Variants in COL22A1 observed in about 807,000 individuals in gnomAD.
The protein encoded by COL22A1 is collagen alpha-1(XXII) chain.
COL22A1 carries 221 observed loss-of-function variants against 248.9 expected under a neutral mutation model. The ratio of observed to expected loss-of-function variants is 0.89; its 90% CI spans 0.80 to 0.99. COL22A1 has a LOEUF of 0.99. COL22A1 is among the 50% of genes least tolerant of loss of function. The probability of loss-of-function intolerance (pLI) is 0.00; values close to 1 mark genes in which losing one functional copy is unlikely to be tolerated. For synonymous variants in COL22A1, 891 were observed against 793.4 expected, an observed-to-expected ratio of 1.12 and a Z score of -2.07; for missense variants, 2,240 against 2,179.0, an observed-to-expected ratio of 1.03 and a Z score of -0.56.
At chr8:138,709,805 A>T (rs1375242581) in intron 30 of COL22A1, among the ~76,000 whole-genome samples, 2 of 152,170 alleles carry the variant, frequency 1.3e-5, no homozygotes, top group Non-Finnish European at 2.9e-5. Context: ...TAATAAAGTT[A>T]TTTCTTATCC....
intron 14 of COL22A1, 80 bp from the exon 15 acceptor site, chr8:138,778,486 A>G (rs1258558701): frequency 5.4e-6 from 7 of 1,297,160 alleles, no homozygotes; most frequent in Non-Finnish European, 7.4e-6. Context: ...AGCCAGTCCC[A>G]CGTTTGGTGA....
intron 40 of COL22A1, among the ~76,000 whole-genome samples, chr8:138,678,324 T>A (rs1825721397): frequency 1.3e-5 from 2 of 152,148 alleles, no homozygotes; most frequent in South Asian, 4.2e-4. Flanking sequence ...CTTGACATCA[T>A]TTCTTCCCCT....
At chr8:138,908,043 C>T (rs763350695) in intron 1 of COL22A1, among the ~76,000 whole-genome samples, 1 of 152,188 alleles carries the variant, frequency 6.6e-6, no homozygotes, top group African/African-American at 2.4e-5. Flanking sequence ...TCCCTCCCTC[C>T]CCACTCCCCC....
At chr8:138,696,814 C>G (rs537493199) in intron 32 of COL22A1, among the ~76,000 whole-genome samples, 2 of 152,338 alleles carry the variant, frequency 1.3e-5, no homozygotes, top group East Asian at 3.9e-4. Context: ...CCATTGAGCT[C>G]AGAAGGAGAC....
intron 12 of COL22A1, among the ~76,000 whole-genome samples, chr8:138,792,302 C>A (rs1816130810): frequency 6.6e-6 from 1 of 152,172 alleles, no homozygotes; most frequent in African/African-American, 2.4e-5. Flanking sequence ...ACTCTACCTG[C>A]AATATTAATA....
chr8:138,877,514 T>G (rs1054711731), intron 3 of COL22A1, among the ~76,000 whole-genome samples: 2 of 152,134 alleles, frequency 1.3e-5, no homozygotes, highest in Non-Finnish European at 2.9e-5. Context: ...GACCTCTGCC[T>G]CTGGATGGGA....
chr8:138,839,046 T>C (rs1820662376), intron 4 of COL22A1, among the ~76,000 whole-genome samples: 1 of 152,194 alleles, frequency 6.6e-6, no homozygotes, highest in African/African-American at 2.4e-5. Context: ...CTTATGTTTA[T>C]GGGGCTGCCT....
At chr8:138,805,790 GTGA>G (rs936930195) in intron 10 of COL22A1, among the ~76,000 whole-genome samples, 8 of 129,902 alleles carry the variant, frequency 6.2e-5, no homozygotes, top group African/African-American at 9.4e-5. Flanking sequence ...GTGATGGTGC[GTGA>G]TGGTGTGTGT....
chr8:138,809,180 A>G (rs963668690), intron 9 of COL22A1, among the ~76,000 whole-genome samples: 36 of 152,110 alleles, frequency 2.4e-4, no homozygotes, highest in African/African-American at 8.4e-4. Flanking sequence ...GGGAAGCAGC[A>G]GGCTCCCTTC....
chr8:138,748,399 G>A (rs1390633319), intron 22 of COL22A1, among the ~76,000 whole-genome samples: 1 of 152,218 alleles, frequency 6.6e-6, no homozygotes, highest in African/African-American at 2.4e-5. Context: ...GTCAACATGA[G>A]CTTTCTGACA....
At chr8:138,727,775 C>T (rs1240835794) in intron 23 of COL22A1, among the ~76,000 whole-genome samples, 2 of 152,200 alleles carry the variant, frequency 1.3e-5, no homozygotes, top group African/African-American at 4.8e-5. Flanking sequence ...CATTTGTTCA[C>T]AGCTGGAGCA....
At chr8:138,804,146 C>T (rs1817251209) in intron 10 of COL22A1, among the ~76,000 whole-genome samples, 1 of 152,168 alleles carries the variant, frequency 6.6e-6, no homozygotes, top group African/African-American at 2.4e-5. Flanking sequence ...CAGTCAGTCA[C>T]TTTTATATTC....
chr8:138,747,294 C>A (rs1221495180), intron 22 of COL22A1, among the ~76,000 whole-genome samples: 1 of 152,202 alleles, frequency 6.6e-6, no homozygotes, highest in Non-Finnish European at 1.5e-5. Context: ...TTTTACTGTC[C>A]TTTCTACTTT....
At chr8:138,693,529 C>T in intron 35 of COL22A1, 117 bp downstream of exon 35, 1 of 1,082,314 alleles carries the variant, frequency 9.2e-7, no homozygotes. Flanking sequence ...GTGGGTGAAC[C>T]TTCTGGGCCA....
At chr8:138,598,686 G>A (rs765571678) in intron 61 of COL22A1, 33 bp downstream of exon 61, 18 of 1,588,062 alleles carry the variant, frequency 1.1e-5, no homozygotes, top group Non-Finnish European at 1.4e-5. Context: ...GCCCCGAGGA[G>A]CCCCGAGTCC....
intron 3 of COL22A1, among the ~76,000 whole-genome samples, chr8:138,863,338 G>T (rs1822629001): frequency 6.6e-6 from 1 of 152,138 alleles, no homozygotes; most frequent in Admixed American, 6.5e-5. Flanking sequence ...CTGTTGCTCG[G>T]TCAGAGTTCC....
In COL22A1 at chr8:138,633,223, C is replaced by G. The variant is rs142065923; in HGVS notation, c.3609+1787G>C. Among the ~76,000 whole-genome samples the G allele has an allele frequency of 4.9e-3, 754 of 152,350 alleles. 5 individuals carry two copies. The highest frequency in any genetic ancestry group is 0.016 in the African/African-American group (680 of 41,576). ...ACAGGCAGCTGCCTCAGCATCCATTCTCACAGGCTATTAACAGTACAAAGC... is the reference window on the plus strand; with the variant it reads ...ACAGGCAGCTGCCTCAGCATCCATTGTCACAGGCTATTAACAGTACAAAGC... On this transcript the variant is annotated intron_variant, in intron 49 of 64. Transcript: ENST00000303045.
chr8:138,816,215 G>A (rs962906556), intron 7 of COL22A1, among the ~76,000 whole-genome samples: 19 of 152,178 alleles, frequency 1.2e-4, no homozygotes, highest in Admixed American at 7.2e-4. Flanking sequence ...ACACTGGATT[G>A]GGGATCTGGA....
chr8:138,776,112 A>G (rs955200881), intron 15 of COL22A1, 102 bp from the exon 16 acceptor site: 5 of 1,121,154 alleles, frequency 4.5e-6, no homozygotes, highest in Admixed American at 1.7e-5. Context: ...CTTCCAGCCC[A>G]GGGTGGCAGG....
Sources: allele counts gnomAD v4.1 joint callset (sites outside exome capture counted in the v4.1 genomes callset), GRCh38; gene constraint gnomAD v4.1.1; transcripts MANE v1.5; gene names NCBI Gene and HGNC (gene_info 2026-07-23, HGNC 2026-07-21).